The following DPP6 variants were observed in gnomAD, a reference collection of about 807,000 sequenced individuals.
The protein encoded by DPP6 is dipeptidyl peptidase like 6.
Under a neutral mutation model 122.6 loss-of-function variants are expected in DPP6, and 69 were observed. That is an observed-to-expected ratio of 0.56 (90% CI 0.46 to 0.69). The LOEUF (loss-of-function observed/expected upper bound fraction) is 0.69. Ranked by LOEUF, DPP6 falls within the 30% of genes least tolerant of loss-of-function variation. The pLI is 0.00. For synonymous variants in DPP6, 418 were observed against 433.1 expected, an observed-to-expected ratio of 0.97 and a Z score of 0.43; for missense variants, 928 against 1,116.9, an observed-to-expected ratio of 0.83 and a Z score of 2.41.
At chr7:154,507,478 G>C (rs936798577) in intron 3 of DPP6, among the ~76,000 whole-genome samples, 3 of 152,064 alleles carry the variant, frequency 2.0e-5, no homozygotes, top group Middle Eastern at 3.2e-3. Flanking sequence ...ACCATAATAA[G>C]TTTTAAGTCA....
chr7:153,832,550 T>C, the DPP6 span, among the ~76,000 whole-genome samples: 2 of 152,236 alleles, frequency 1.3e-5, no homozygotes, highest in African/African-American at 4.8e-5. Context: ...AGTGGTGTGT[T>C]CTTCCCCAGG....
At chr7:154,839,865 ACAG>A (rs1426032163) in intron 16 of DPP6, among the ~76,000 whole-genome samples, 2 of 24,866 alleles carry the variant, frequency 8.0e-5, no homozygotes, top group Non-Finnish European at 2.4e-4. Context: ...AAGCCTCTGG[ACAG>A]TGGAAATAAC....
chr7:154,156,358 C>G (rs544622292), intron 1 of DPP6, among the ~76,000 whole-genome samples: 1 of 152,192 alleles, frequency 6.6e-6, no homozygotes, highest in Non-Finnish European at 1.5e-5. Context: ...TTTGGCCAGG[C>G]CCAGAGTACT....
chr7:154,088,268 G>T (rs1804573403), intron 1 of DPP6, among the ~76,000 whole-genome samples: 1 of 151,094 alleles, frequency 6.6e-6, no homozygotes, highest in Non-Finnish European at 1.5e-5. Flanking sequence ...AGTGGGGCTT[G>T]GGCTGCAGTA....
chr7:153,883,135 C>A (rs1798799907), upstream of DPP6, among the ~76,000 whole-genome samples: 1 of 151,966 alleles, frequency 6.6e-6, no homozygotes, highest in Admixed American at 6.6e-5. Context: ...ACCACCTTCG[C>A]ATCCCTGTTT....
At chr7:153,884,232 T>C (rs1000028861), upstream of DPP6, among the ~76,000 whole-genome samples, 2 of 152,310 alleles carry the variant, frequency 1.3e-5, no homozygotes, top group African/African-American at 4.8e-5. Flanking sequence ...CATTGTTCAG[T>C]TCCCACCTAT....
chr7:154,009,818 A>T (rs1798078282), intron 1 of DPP6, among the ~76,000 whole-genome samples: 1 of 149,816 alleles, frequency 6.7e-6, no homozygotes, highest in Non-Finnish European at 1.5e-5. Context: ...GATGTAGCTA[A>T]ATTACATAAC....
chr7:154,530,761 A>T (rs937717371), intron 3 of DPP6, among the ~76,000 whole-genome samples: 1 of 152,194 alleles, frequency 6.6e-6, no homozygotes, highest in African/African-American at 2.4e-5. Context: ...TCAATGATAG[A>T]CTGGATCAAG....
At chr7:153,828,395 C>T in the DPP6 span, among the ~76,000 whole-genome samples, 1 of 152,226 alleles carries the variant, frequency 6.6e-6, no homozygotes, top group African/African-American at 2.4e-5. Context: ...ACACATGTAG[C>T]ATTGGCAGAA....
chr7:154,273,347 A>AAG (rs1803918293), intron 1 of DPP6, among the ~76,000 whole-genome samples: 1 of 152,132 alleles, frequency 6.6e-6, no homozygotes, highest in Non-Finnish European at 1.5e-5. Flanking sequence ...ACATCCCCTA[A>AAG]AGATCATGGA....
chr7:154,573,649 G>A lies in DPP6; in HGVS notation c.627+6733G>A, dbSNP rs904775519. Among the ~76,000 whole-genome samples, 55 of 152,318 alleles carry A rather than the reference G, an allele frequency of 3.6e-4. No individual in the cohort carries two copies. In the East Asian group the frequency reaches 7.1e-3, roughly 20 times the overall value. On this transcript the variant is annotated intron_variant, in intron 5 of 25. Coordinates refer to ENST00000377770, the MANE Select transcript of DPP6 (RefSeq NM_130797.4). The stretch of plus-strand genomic sequence containing the variant: ...CTTGCCTGACATGTTACTCTTAGCC[G>A]ATATAAGGCCAACTTCTCTGTGACT...
chr7:154,795,614 T>G (rs963301983), intron 11 of DPP6, among the ~76,000 whole-genome samples: 3 of 152,076 alleles, frequency 2.0e-5, no homozygotes, highest in African/African-American at 7.2e-5. Context: ...AGTGGCATTT[T>G]CTAATTCGAG....
At chr7:154,340,873 C>T (rs1384379673) in intron 1 of DPP6, among the ~76,000 whole-genome samples, 2 of 152,140 alleles carry the variant, frequency 1.3e-5, no homozygotes, top group Non-Finnish European at 2.9e-5. Context: ...AAACCCGTGT[C>T]CACTACAGAA....
chr7:154,582,829 A>G (rs1832163432), intron 5 of DPP6, among the ~76,000 whole-genome samples: 1 of 152,092 alleles, frequency 6.6e-6, no homozygotes, highest in Non-Finnish European at 1.5e-5. Flanking sequence ...TCTCCCACAG[A>G]GTGGAATGAG....
chr7:154,572,510 CTTTTTTTTTTTTTT>C (rs77816407), intron 5 of DPP6, among the ~76,000 whole-genome samples: 8 of 86,136 alleles, frequency 9.3e-5, no homozygotes, highest in Non-Finnish European at 1.1e-4. Context: ...TTTTTCTTTT[CTTTTTTTTTTTTTT>C]TTTTTTTTTT....
chr7:153,905,031 G>C (rs947985643), intron 1 of DPP6, among the ~76,000 whole-genome samples: 1 of 152,206 alleles, frequency 6.6e-6, no homozygotes. Context: ...ATACAGTGAG[G>C]GGGAAAGCCC....
chr7:154,147,495 T>TTCCTTCCTTTC (rs1385884647), intron 1 of DPP6, among the ~76,000 whole-genome samples: 1 of 150,518 alleles, frequency 6.6e-6, no homozygotes, highest in African/African-American at 2.5e-5. Context: ...CCTTCCTTTC[T>TTCCTTCCTTTC]TTTTCTGTCG....
intron 5 of DPP6, among the ~76,000 whole-genome samples, chr7:154,597,102 T>C (rs926945822): frequency 1.3e-5 from 2 of 151,878 alleles, no homozygotes; most frequent in South Asian, 2.1e-4. Context: ...ATTGGACCTG[T>C]TGCAGGCCCT....
chr7:154,181,749 C>CTTTTT lies in DPP6; in HGVS notation c.243+128701_243+128705dup, dbSNP rs57576340. On this transcript the variant is annotated intron_variant, in intron 1 of 25. Coordinates refer to ENST00000377770, the MANE Select transcript of DPP6 (RefSeq NM_130797.4). ...TGCACTCATGAAAATGCATCTCCCT[C>CTTTTT]TTTTTTTTTTTTTTTTTTTGAGACA... 5.2e-5 allele frequency among the ~76,000 whole-genome samples: 7 copies of CTTTTT among 134,912 alleles called. 3 individuals carry two copies. The highest frequency in any genetic ancestry group is 1.1e-4 in the African/African-American group (4 of 36,294). The allele number at this position is 134,912 out of a possible 152,430, so 88.5% of individuals were successfully genotyped here. A position where few individuals can be genotyped will look rare whatever the true frequency, so the allele number is the denominator to read the frequency against.
Sources: allele counts gnomAD v4.1 joint callset (sites outside exome capture counted in the v4.1 genomes callset), GRCh38; gene constraint gnomAD v4.1.1; transcripts MANE v1.5; gene names NCBI Gene and HGNC (gene_info 2026-07-23, HGNC 2026-07-21).